Variants in ATRNL1 observed in about 807,000 individuals in gnomAD.
The protein encoded by ATRNL1 is attractin-like protein 1.
Under a neutral mutation model 182.7 loss-of-function variants are expected in ATRNL1, and 95 were observed. The observed-to-expected ratio is 0.52, with a 90% confidence interval of 0.44 to 0.62. The LOEUF is 0.62. Among genes scored for constraint, ATRNL1 ranks in the 20% least tolerant of loss-of-function variants. ATRNL1 has a pLI of 0.00. For missense variants in ATRNL1, 1,471 were observed against 1,679.5 expected (o/e 0.88, Z 2.17); for synonymous variants, 576 against 568.3 (o/e 1.01, Z -0.19).
At chr10:115,301,292 A>G (rs1192965898) in intron 16 of ATRNL1, among the ~76,000 whole-genome samples, 3 of 152,170 alleles carry the variant, frequency 2.0e-5, no homozygotes, top group African/African-American at 4.8e-5. Flanking sequence ...TAATGTGGCA[A>G]TTCTGTTTTT....
At chr10:115,577,460 C>T (rs2133876623) in intron 26 of ATRNL1, among the ~76,000 whole-genome samples, 1 of 151,748 alleles carries the variant, frequency 6.6e-6, no homozygotes. Context: ...ATTTATTCCT[C>T]AGTAGTTTAT....
chr10:115,634,386 T>G (rs1555027345), intron 26 of ATRNL1, among the ~76,000 whole-genome samples: 1 of 152,192 alleles, frequency 6.6e-6, no homozygotes, highest in Non-Finnish European at 1.5e-5. Context: ...ACAATGGTGA[T>G]ACATACATTT....
intron 28 of ATRNL1, among the ~76,000 whole-genome samples, chr10:115,885,947 T>A (rs2134451559): frequency 6.6e-6 from 1 of 152,338 alleles, no homozygotes; most frequent in East Asian, 1.9e-4. Flanking sequence ...CATGAAAACA[T>A]GTTAAAGGTC....
chr10:115,581,715 G>A (rs561580169), intron 26 of ATRNL1, among the ~76,000 whole-genome samples: 183 of 151,414 alleles, frequency 1.2e-3, no homozygotes, highest in African/African-American at 4.3e-3. Flanking sequence ...ACAAAGTTCG[G>A]AAGATATGTA....
chr10:115,649,147 A>G (rs1555033636), intron 26 of ATRNL1, among the ~76,000 whole-genome samples: 1 of 152,050 alleles, frequency 6.6e-6, no homozygotes, highest in African/African-American at 2.4e-5. Context: ...TGTTTTATTT[A>G]TTTGTCGCTT....
At chr10:115,656,189 T>C (rs1042338564) in intron 26 of ATRNL1, among the ~76,000 whole-genome samples, 1 of 152,192 alleles carries the variant, frequency 6.6e-6, no homozygotes, top group African/African-American at 2.4e-5. Flanking sequence ...ACAAATACTT[T>C]GTAATGTCCC....
intron 21 of ATRNL1, among the ~76,000 whole-genome samples, chr10:115,443,837 A>G (rs1846823628): frequency 6.6e-6 from 1 of 152,102 alleles, no homozygotes; most frequent in Non-Finnish European, 1.5e-5. Flanking sequence ...GTCTTTAATC[A>G]AAAATTGTTT....
At chr10:115,495,097 A>G (rs546358726) in intron 24 of ATRNL1, among the ~76,000 whole-genome samples, 195 of 151,694 alleles carry the variant, frequency 1.3e-3, no homozygotes, top group African/African-American at 4.6e-3. Flanking sequence ...TATTTCTTCT[A>G]GGTTTTCTAG....
chr10:115,890,901 C>T (rs556186879), intron 28 of ATRNL1, among the ~76,000 whole-genome samples: 5 of 152,118 alleles, frequency 3.3e-5, no homozygotes, highest in African/African-American at 4.8e-5. Context: ...GAGTTATGGC[C>T]GTCAAGTTGG....
At chr10:115,604,468 T>A (rs1263922296) in intron 26 of ATRNL1, among the ~76,000 whole-genome samples, 5 of 152,190 alleles carry the variant, frequency 3.3e-5, no homozygotes, top group Admixed American at 3.3e-4. Context: ...TGAGAAACTG[T>A]GCAAGTCACC....
intron 19 of ATRNL1, among the ~76,000 whole-genome samples, chr10:115,378,806 T>G (rs1857819582): frequency 6.6e-6 from 1 of 152,222 alleles, no homozygotes; most frequent in South Asian, 2.1e-4. Flanking sequence ...AAATCTAATC[T>G]ATAACATATC....
rs145512153 is a variant in ATRNL1, at chr10:115,300,131, C to T, written c.2513C>T (p.Pro838Leu). Reference sequence around the variant, plus strand: ...ACAAACACAACACTACAGTGGCTTCCTGGCGAACCCAATGATTCTGGGTTT... The same window carrying T: ...ACAAACACAACACTACAGTGGCTTCTTGGCGAACCCAATGATTCTGGGTTT... ...PFTNTTLQWL[P>L]GEPNDSGFCA... The change falls in exon 16 of 29, where the codon CCT (proline) becomes CTT (leucine). Residue 838 changes from proline to leucine, a missense_variant. By Grantham distance (98) the Pro-to-Leu change is moderately conservative. Around this residue, in one of 3 missense-constraint regions of ATRNL1, gnomAD observed 1,031 missense variants for 1,156.0 expected, o/e 0.89. Transcript: ENST00000355044. 22 of 1,614,038 alleles carry T rather than the reference C, an allele frequency of 1.4e-5. No homozygotes were observed. Among genetic ancestry groups the T allele is most frequent in the Middle Eastern group, 1.7e-4 (1 of 6,058 alleles).
rs1233462457 is a variant in ATRNL1 at position 115,273,426 on chromosome 10, A to AT, written c.2100+4993dup. ...GATCTGTCCGCATCCCTTTTCCACAATTTTTTTTTTTGTCACCAATTTTCC... is the reference window on the plus strand; with the variant it reads ...GATCTGTCCGCATCCCTTTTCCACAATTTTTTTTTTTTGTCACCAATTTTCC... On this transcript the variant is annotated intron_variant, in intron 13 of 28. Transcript: ENST00000355044. Among the ~76,000 whole-genome samples the AT allele has an allele frequency of 3.7e-3, 548 of 147,170 alleles. 2 individuals are homozygous for AT. Among genetic ancestry groups the AT allele is most frequent in the Non-Finnish European group, 5.4e-3 (357 of 66,346 alleles).
intron 25 of ATRNL1, among the ~76,000 whole-genome samples, chr10:115,522,288 G>A (rs1053187577): frequency 1.9e-4 from 29 of 152,262 alleles, no homozygotes; most frequent in African/African-American, 6.3e-4. Context: ...CATCTGGTGA[G>A]GGTATCAAAC....
intron 25 of ATRNL1, among the ~76,000 whole-genome samples, chr10:115,540,771 AAGG>A (rs1287528507): frequency 2.8e-5 from 4 of 141,758 alleles, no homozygotes; most frequent in African/African-American, 8.5e-5. Flanking sequence ...AAAAAAAAAA[AAGG>A]GGGGAGGGAA....
intron 25 of ATRNL1, among the ~76,000 whole-genome samples, chr10:115,548,882 T>C (rs530924702): frequency 6.6e-6 from 1 of 152,224 alleles, no homozygotes; most frequent in South Asian, 2.1e-4. Flanking sequence ...CTCCCAGTTC[T>C]GACAAACAAA....
chr10:115,239,522 C>T lies in ATRNL1; in HGVS notation c.1533-2049C>T, dbSNP rs530320763. 5.3e-5 allele frequency among the ~76,000 whole-genome samples: 8 copies of T among 152,158 alleles called. No individual in the cohort carries two copies. In the South Asian group the frequency reaches 8.3e-4, roughly 16 times the overall value. ...GCTGGGATTACAGGCATGAGCACCG[C>T]GCCCGGCCGGGGCTGTATTTTTTCT... On this transcript the variant is annotated intron_variant, in intron 9 of 28. Coordinates refer to ENST00000355044, the MANE Select transcript of ATRNL1 (RefSeq NM_207303.4).
chr10:115,369,369 A>G (rs1315622838), intron 19 of ATRNL1, among the ~76,000 whole-genome samples: 1 of 151,698 alleles, frequency 6.6e-6, no homozygotes, highest in African/African-American at 2.4e-5. Context: ...TGTGAAGGCG[A>G]TGGGATTCCG....
At chr10:115,703,470 A>G (rs2134000619) in intron 26 of ATRNL1, among the ~76,000 whole-genome samples, 1 of 151,920 alleles carries the variant, frequency 6.6e-6, no homozygotes, top group Middle Eastern at 3.4e-3. Context: ...ATAAATATCA[A>G]AAAGTACCAA....
Sources: gnomAD v4.1 joint callset for allele counts (sites outside exome capture counted in the v4.1 genomes callset) on GRCh38, gnomAD v4.1.1 for gene constraint, gnomAD v4.1.1 regional missense constraint, MANE v1.5 for transcripts, NCBI Gene and HGNC (gene_info 2026-07-23, HGNC 2026-07-21) for gene names.